The following N4BP2 variants were observed in gnomAD, a reference collection of about 807,000 sequenced individuals.
N4BP2 encodes the protein NEDD4 binding protein 2, also known as NEDD4-binding protein 2.
A neutral mutation model predicts 152.8 loss-of-function variants in N4BP2; 91 were observed. The ratio of observed to expected loss-of-function variants is 0.60; its 90% CI spans 0.50 to 0.71. The LOEUF (loss-of-function observed/expected upper bound fraction) is 0.71. N4BP2 is among the 30% of genes least tolerant of loss of function. The pLI, the probability that N4BP2 is intolerant of heterozygous loss-of-function variation, is 0.00. For missense variants in N4BP2, 1,923 were observed against 2,059.1 expected (o/e 0.93, Z 1.28); for synonymous variants, 646 against 705.3 (o/e 0.92, Z 1.33).
intron 8 of N4BP2, among the ~76,000 whole-genome samples, chr4:40,119,511 C>G (rs1717657394): frequency 6.6e-6 from 1 of 152,044 alleles, no homozygotes; most frequent in African/African-American, 2.4e-5. Flanking sequence ...CCCTTTGTGA[C>G]TTTGTAAATG....
At chr4:40,183,903 C>A in the N4BP2 span, among the ~76,000 whole-genome samples, 14 of 152,190 alleles carry the variant, frequency 9.2e-5, no homozygotes, top group African/African-American at 3.4e-4. Flanking sequence ...CGGCTACACC[C>A]AAAGCATGTA....
chr4:40,094,731 TA>T, intron 2 of N4BP2, among the ~76,000 whole-genome samples: 1 of 151,616 alleles, frequency 6.6e-6, no homozygotes, highest in Non-Finnish European at 1.5e-5. Flanking sequence ...TTTGTATTTT[TA>T]GTGGAGATGG....
In N4BP2 at chr4:40,122,277, A is replaced by G; in HGVS notation, c.4166A>G (p.Asn1389Ser). Residue 1389 changes from asparagine (N) to serine (S), a missense_variant, in exon 9 of 18, where the codon AAT (asparagine) becomes AGT (serine). Coordinates refer to ENST00000261435, the MANE Select transcript of N4BP2 (RefSeq NM_018177.6). ...CCCCCTGAACTGGCTTTTCAACTTA[A>G]TGAATTATTTGGTCCTGTTGGTATT... ...ALPPELAFQL[N>S]ELFGPVGIDS... 1 of 1,589,638 alleles carries G rather than the reference A, an allele frequency of 6.3e-7. No homozygotes were observed. Among genetic ancestry groups the G allele is most frequent in the Middle Eastern group, 1.7e-4 (1 of 5,956 alleles).
chr4:40,099,866 A>G (rs1715459326), intron 3 of N4BP2, among the ~76,000 whole-genome samples: 1 of 151,798 alleles, frequency 6.6e-6, no homozygotes, highest in Admixed American at 6.6e-5. Context: ...TTTTTCATAG[A>G]AATACTCCTT....
chr4:40,174,386 G>A, the N4BP2 span, among the ~76,000 whole-genome samples: 1 of 151,936 alleles, frequency 6.6e-6, no homozygotes, highest in South Asian at 2.1e-4. Flanking sequence ...CCTCTTCTAG[G>A]CATATACCCA....
At chr4:40,124,599 G>C (rs988783062) in intron 11 of N4BP2, among the ~76,000 whole-genome samples, 47 of 152,028 alleles carry the variant, frequency 3.1e-4, no homozygotes, top group Admixed American at 2.5e-3. Context: ...TGCCCACCTT[G>C]GCCTCCCAAA....
At chr4:40,063,685 C>T (rs1198202175) in intron 1 of N4BP2, among the ~76,000 whole-genome samples, 1 of 151,510 alleles carries the variant, frequency 6.6e-6, no homozygotes, top group Non-Finnish European at 1.5e-5. Flanking sequence ...CTCTTGTTGC[C>T]CAGGCTGGAG....
At chr4:40,138,393 T>A (rs768057276) in intron 14 of N4BP2, among the ~76,000 whole-genome samples, 1 of 151,588 alleles carries the variant, frequency 6.6e-6, no homozygotes. Context: ...CCTTTCACTC[T>A]GTTGTTTCTG....
At chr4:40,093,825 C>G (rs1714859952) in intron 2 of N4BP2, among the ~76,000 whole-genome samples, 2 of 152,108 alleles carry the variant, frequency 1.3e-5, no homozygotes, top group South Asian at 4.1e-4. Context: ...GTCTTGAACT[C>G]CTGACCTCAG....
chr4:40,126,622 T>G (rs1452451066), intron 12 of N4BP2, among the ~76,000 whole-genome samples: 1 of 152,160 alleles, frequency 6.6e-6, no homozygotes, highest in East Asian at 1.9e-4. Flanking sequence ...TTTTTTTTCT[T>G]GATACATCGT....
At chr4:40,109,601 C>A (rs1478991343) in intron 5 of N4BP2, among the ~76,000 whole-genome samples, 1 of 151,846 alleles carries the variant, frequency 6.6e-6, no homozygotes, top group Non-Finnish European at 1.5e-5. Flanking sequence ...ACCTATAGTC[C>A]CAGCTACTTG....
the N4BP2 span, among the ~76,000 whole-genome samples, chr4:40,165,445 T>C: frequency 1.3e-5 from 2 of 152,094 alleles, no homozygotes; most frequent in Non-Finnish European, 2.9e-5. Flanking sequence ...GATGGGGTTT[T>C]GCCATGTTGG....
chr4:40,160,163 T>C (rs1423882549), downstream of N4BP2, among the ~76,000 whole-genome samples: 3 of 152,204 alleles, frequency 2.0e-5, no homozygotes, highest in African/African-American at 7.2e-5. Flanking sequence ...GATCCTGTTC[T>C]AGCCTCAAGT....
chr4:40,187,904 T>G, the N4BP2 span, among the ~76,000 whole-genome samples: 1 of 152,148 alleles, frequency 6.6e-6, no homozygotes, highest in Non-Finnish European at 1.5e-5. Context: ...AATGAATGTC[T>G]AAAACTTGGG....
chr4:40,105,045 G>A (rs997958695), intron 4 of N4BP2, among the ~76,000 whole-genome samples: 7 of 151,836 alleles, frequency 4.6e-5, no homozygotes, highest in African/African-American at 1.5e-4. Flanking sequence ...CTTGTGATCC[G>A]CCCGCCTCGG....
intron 12 of N4BP2, among the ~76,000 whole-genome samples, chr4:40,127,671 A>ATT (rs375278533): frequency 1.3e-5 from 2 of 151,198 alleles, no homozygotes; most frequent in Non-Finnish European, 2.9e-5. Flanking sequence ...ATATATATAT[A>ATT]TTTTTTTGAG....
chr4:40,094,856 G>A (rs1325522907), intron 2 of N4BP2, among the ~76,000 whole-genome samples: 9 of 151,636 alleles, frequency 5.9e-5, no homozygotes, highest in African/African-American at 1.2e-4. Flanking sequence ...GTGCAGTGGC[G>A]TGATCTTGGC....
Position 40,154,534 on chromosome 4 carries a change from G to C in N4BP2, c.*297G>C, listed in dbSNP as rs1721441758. ...ATGCTCTGATTGTTTCTCAGAAAAGGTTACCTTTGTATTAATTGTTGTATG... is the reference window on the plus strand; with the variant it reads ...ATGCTCTGATTGTTTCTCAGAAAAGCTTACCTTTGTATTAATTGTTGTATG... On this transcript the variant is annotated 3_prime_UTR_variant, in exon 18 of 18. Coordinates refer to ENST00000261435, the MANE Select transcript of N4BP2 (RefSeq NM_018177.6). 3.4e-6 allele frequency: 1 copy of C among 291,314 alleles called. No homozygotes were observed. The highest frequency in any genetic ancestry group is 5.1e-5 in the Admixed American group (1 of 19,494). The allele number at this position is 291,314 out of a possible 1,614,324, so 18.0% of individuals were successfully genotyped here. A position where few individuals can be genotyped will look rare whatever the true frequency, so the allele number is the denominator to read the frequency against.
intron 16 of N4BP2, among the ~76,000 whole-genome samples, chr4:40,148,838 G>A (rs192869889): frequency 3.9e-5 from 6 of 152,018 alleles, no homozygotes; most frequent in African/African-American, 1.4e-4. Flanking sequence ...ATATTCCATT[G>A]TGTCTATATC....
Sources: gnomAD v4.1 joint callset for allele counts (sites outside exome capture counted in the v4.1 genomes callset) on GRCh38, gnomAD v4.1.1 for gene constraint, MANE v1.5 for transcripts, NCBI Gene and HGNC (gene_info 2026-07-23, HGNC 2026-07-21) for gene names.